FGF10: variants seen among roughly 807,000 people sequenced by gnomAD.
FGF10 encodes the protein FGF-10.
Under a neutral mutation model 19.8 loss-of-function variants are expected in FGF10, and 2 were observed. The ratio of observed to expected loss-of-function variants is 0.10; its 90% confidence interval spans 0.04 to 0.32. FGF10 has a LOEUF of 0.32. Ranked by LOEUF, FGF10 falls within the 10% of genes least tolerant of loss-of-function variation. The pLI is 1.00. For missense variants in FGF10, 191 were observed against 246.3 expected (o/e 0.78, Z 1.50); for synonymous variants, 112 against 94.0 (o/e 1.19, Z -1.10).
At chr5:44,381,945 G>C (rs1362264522) in intron 1 of FGF10, among the ~76,000 whole-genome samples, 2 of 152,078 alleles carry the variant, frequency 1.3e-5, no homozygotes, top group African/African-American at 4.8e-5. Flanking sequence ...CCTTCTATTA[G>C]GGTTAGATGA....
chr5:44,370,574 A>T (rs1164051641), intron 1 of FGF10, among the ~76,000 whole-genome samples: 1 of 152,090 alleles, frequency 6.6e-6, no homozygotes, highest in African/African-American at 2.4e-5. Flanking sequence ...CTCAGTAGAC[A>T]AAGAGTGTTG....
chr5:44,323,478 A>G (rs1325775180), intron 1 of FGF10, among the ~76,000 whole-genome samples: 3 of 152,218 alleles, frequency 2.0e-5, no homozygotes, highest in African/African-American at 7.2e-5. Flanking sequence ...TGGTCTAAGA[A>G]CAGGTACTAT....
At chr5:44,342,913 A>G (rs1741000921) in intron 1 of FGF10, among the ~76,000 whole-genome samples, 1 of 151,916 alleles carries the variant, frequency 6.6e-6, no homozygotes, top group Non-Finnish European at 1.5e-5. Context: ...CCTCTTCCCC[A>G]AATGCATCAC....
chr5:44,342,499 T>A (rs377333391), intron 1 of FGF10, among the ~76,000 whole-genome samples: 1 of 142,144 alleles, frequency 7.0e-6, no homozygotes, highest in African/African-American at 2.6e-5. Flanking sequence ...AAGAAATTTA[T>A]AGAAAGTTTT....
intron 1 of FGF10, among the ~76,000 whole-genome samples, chr5:44,383,743 A>G (rs1447666889): frequency 6.6e-6 from 1 of 152,112 alleles, no homozygotes; most frequent in Admixed American, 6.5e-5. Flanking sequence ...TTCCACCTTC[A>G]TAAATCCTCA....
At chr5:44,330,219 C>A (rs1356686190) in intron 1 of FGF10, among the ~76,000 whole-genome samples, 1 of 152,180 alleles carries the variant, frequency 6.6e-6, no homozygotes, top group Non-Finnish European at 1.5e-5. Context: ...GCAGTTGAGA[C>A]TTCGCTTTCT....
chr5:44,328,245 T>C (rs1478420011), intron 1 of FGF10, among the ~76,000 whole-genome samples: 2 of 152,144 alleles, frequency 1.3e-5, no homozygotes, highest in East Asian at 1.9e-4. Context: ...GTCAGAGATA[T>C]TTTTGCCTTT....
At chr5:44,332,593 A>G (rs1348670307) in intron 1 of FGF10, among the ~76,000 whole-genome samples, 1 of 152,102 alleles carries the variant, frequency 6.6e-6, no homozygotes, top group Non-Finnish European at 1.5e-5. Flanking sequence ...TATCTTCCCT[A>G]GAGTAGTTAA....
At chr5:44,308,416 T>C (rs1255500615) in intron 2 of FGF10, among the ~76,000 whole-genome samples, 3 of 152,176 alleles carry the variant, frequency 2.0e-5, no homozygotes, top group South Asian at 2.1e-4. Context: ...TCTAAATTAG[T>C]GTTAGCTGGC....
At chr5:44,369,449 T>C (rs925434980) in intron 1 of FGF10, among the ~76,000 whole-genome samples, 1 of 152,102 alleles carries the variant, frequency 6.6e-6, no homozygotes, top group Non-Finnish European at 1.5e-5. Context: ...TAGACGCACA[T>C]ACGCATAAAT....
At chr5:44,318,658 A>T (rs1489722130) in intron 1 of FGF10, among the ~76,000 whole-genome samples, 1 of 152,180 alleles carries the variant, frequency 6.6e-6, no homozygotes, top group Non-Finnish European at 1.5e-5. Flanking sequence ...CTTCTGGGAA[A>T]ATATATCCAG....
intron 1 of FGF10, among the ~76,000 whole-genome samples, chr5:44,379,487 G>C (rs1441848287): frequency 6.6e-6 from 1 of 152,134 alleles, no homozygotes; most frequent in Non-Finnish European, 1.5e-5. Flanking sequence ...TTGCCTACAG[G>C]TCTGCGGCTT....
intron 1 of FGF10, among the ~76,000 whole-genome samples, chr5:44,345,048 A>T (rs1305906662): frequency 6.6e-6 from 1 of 151,866 alleles, no homozygotes. Context: ...AGCATATATT[A>T]TGTATATACA....
rs139724899 is a variant in FGF10 at position 44,300,565 on chromosome 5, A to G, written c.*4430T>C. 1.6e-3 allele frequency among the ~76,000 whole-genome samples: 239 copies of G among 152,310 alleles called. 2 individuals carry two copies. The highest frequency in any genetic ancestry group is 5.5e-3 in the African/African-American group (227 of 41,588). On this transcript the variant is annotated 3_prime_UTR_variant, in exon 3 of 3. Coordinates refer to ENST00000264664, the MANE Select transcript of FGF10 (RefSeq NM_004465.2). The stretch of plus-strand genomic sequence containing the variant: ...GGTAAAGAACATATGAAAGAGAATG[A>G]TCTTAAAACCTCTCTAACTTGGACA...
chr5:44,377,536 A>C (rs896366843), intron 1 of FGF10, among the ~76,000 whole-genome samples: 1 of 152,102 alleles, frequency 6.6e-6, no homozygotes, highest in Non-Finnish European at 1.5e-5. Context: ...TCAAATCTCC[A>C]CGGTTACCTA....
intron 1 of FGF10, among the ~76,000 whole-genome samples, chr5:44,335,986 C>A (rs930157305): frequency 2.0e-5 from 3 of 151,886 alleles, no homozygotes; most frequent in African/African-American, 7.2e-5. Flanking sequence ...GGGAAGAAAA[C>A]TGAAATAAGA....
intron 1 of FGF10, among the ~76,000 whole-genome samples, chr5:44,378,728 C>A (rs1345553410): frequency 6.6e-6 from 1 of 152,176 alleles, no homozygotes; most frequent in Non-Finnish European, 1.5e-5. Flanking sequence ...CTGCGCCTGG[C>A]CGATATTTCC....
At chr5:44,372,197 C>A (rs142831332) in intron 1 of FGF10, among the ~76,000 whole-genome samples, 1 of 152,126 alleles carries the variant, frequency 6.6e-6, no homozygotes, top group African/African-American at 2.4e-5. Context: ...GCGTCCATTG[C>A]CTGCCTCTTT....
intron 1 of FGF10, among the ~76,000 whole-genome samples, chr5:44,368,121 T>G (rs940362041): frequency 6.6e-6 from 1 of 152,032 alleles, no homozygotes; most frequent in African/African-American, 2.4e-5. Context: ...TGTTACTAAT[T>G]TAAAATTTTA....
Sources: gnomAD v4.1 joint callset for allele counts (sites outside exome capture counted in the v4.1 genomes callset) on GRCh38, gnomAD v4.1.1 for gene constraint, MANE v1.5 for transcripts, NCBI Gene and HGNC (gene_info 2026-07-23, HGNC 2026-07-21) for gene names.